LRP12: variants seen among roughly 807,000 people sequenced by gnomAD.
The protein encoded by LRP12 is low-density lipoprotein receptor-related protein 12.
In LRP12, 14 loss-of-function variants were observed where a neutral mutation model predicts 66.0. The observed-to-expected ratio is 0.21, with a 90% CI of 0.14 to 0.33. The LOEUF (loss-of-function observed/expected upper bound fraction) is 0.33, where lower values mean the gene tolerates loss of function less well. LRP12 is among the 10% of genes least tolerant of loss of function. The pLI is 1.00. For missense variants in LRP12, 889 were observed against 1,053.4 expected (o/e 0.84, Z 2.16); for synonymous variants, 357 against 359.1 (o/e 0.99, Z 0.07).
rs1249653080 is a variant in LRP12, at chr8:104,490,619, T to C, written c.*54A>G. Reference sequence around the variant, plus strand: ...CTAGTTTAACTGTAAAGTTACAAAATAATAAATGGATATTGCTCCAACTTG... The same window carrying C: ...CTAGTTTAACTGTAAAGTTACAAAACAATAAATGGATATTGCTCCAACTTG... On this transcript the variant is annotated 3_prime_UTR_variant, in exon 7 of 7. Coordinates refer to ENST00000276654, the MANE Select transcript of LRP12 (RefSeq NM_013437.5). 3.5e-5 allele frequency: 53 copies of C among 1,517,226 alleles called. No homozygotes were observed. The highest frequency in any genetic ancestry group is 1.3e-5 in the South Asian group (1 of 74,344). 94.0% of individuals were successfully genotyped at this position (1,517,226 alleles called of 1,614,324 possible).
chr8:104,526,518 A>G (rs1229447181), intron 2 of LRP12, among the ~76,000 whole-genome samples: 22 of 149,784 alleles, frequency 1.5e-4, no homozygotes, highest in Admixed American at 3.3e-4. Flanking sequence ...AGCCCTCAGA[A>G]ATAATGCTGC....
intron 1 of LRP12, among the ~76,000 whole-genome samples, chr8:104,573,452 C>T (rs1812113557): frequency 6.6e-6 from 1 of 152,134 alleles, no homozygotes; most frequent in Non-Finnish European, 1.5e-5. Context: ...TCTATCTCCA[C>T]TGAGGTCTCT....
At chr8:104,543,919 C>G (rs1354219206) in intron 1 of LRP12, among the ~76,000 whole-genome samples, 1 of 152,136 alleles carries the variant, frequency 6.6e-6, no homozygotes, top group Non-Finnish European at 1.5e-5. Flanking sequence ...GACACTCCAT[C>G]TCAAAACAAA....
chr8:104,542,819 T>C (rs1398296349), intron 1 of LRP12, among the ~76,000 whole-genome samples: 1 of 152,020 alleles, frequency 6.6e-6, no homozygotes, highest in African/African-American at 2.4e-5. Flanking sequence ...ATAGAAAATG[T>C]ATTTACTGTT....
chr8:104,520,052 G>T (rs1289262167), intron 2 of LRP12, among the ~76,000 whole-genome samples: 2 of 150,486 alleles, frequency 1.3e-5, no homozygotes, highest in Admixed American at 1.3e-4. Flanking sequence ...AAGAGAGAAG[G>T]AGAAATAAAA....
intron 1 of LRP12, among the ~76,000 whole-genome samples, chr8:104,536,349 T>G (rs1475718462): frequency 6.6e-6 from 1 of 152,054 alleles, no homozygotes; most frequent in Non-Finnish European, 1.5e-5. Context: ...ATAGACTCCT[T>G]TAGCATCTGA....
chr8:104,492,463 G>C (rs1318289110), intron 6 of LRP12, among the ~76,000 whole-genome samples: 2 of 152,060 alleles, frequency 1.3e-5, no homozygotes, highest in Non-Finnish European at 2.9e-5. Context: ...CACCAACCTG[G>C]CATTTAGTAT....
rs979850212 is a variant in LRP12, at chr8:104,497,605, T to C, written c.947A>G (p.Lys316Arg). ...LDGTGYGDYV[K>R]IYDGLEENPH... Reference sequence around the variant, plus strand: ...ATTCTCCTCTAATCCATCATATATTTTGACATAATCACCATAACCAGTACC... The same window carrying C: ...ATTCTCCTCTAATCCATCATATATTCTGACATAATCACCATAACCAGTACC... Residue 316 changes from lysine to arginine, a missense_variant, in exon 5 of 7, where the codon AAA (lysine) becomes AGA (arginine). Lys to Arg is a conservative substitution (Grantham distance 26, BLOSUM62 2). Transcript: ENST00000276654. This position sits in a 1 kb window ranked among gnomAD's most constrained non-coding sequence, Gnocchi z 4.3. 6.2e-7 allele frequency: 1 copy of C among 1,613,774 alleles called. No individual in the cohort carries two copies. The highest frequency in any genetic ancestry group is 1.3e-5 in the African/African-American group (1 of 74,912).
At position 104,498,014 on chromosome 8, in the gene LRP12, G is replaced by A. The variant is rs780256562; in HGVS notation, c.538C>T (p.Pro180Ser). ...QFRCGNGKCI[P>S]EAWKCNNMDE... ...ATGTTATTACATTTCCAGGCTTCTG[G>A]TATACACTTTCCATTACCACAACGA... Residue 180 changes from proline to serine, a missense_variant, in exon 5 of 7, where the codon CCA (proline) becomes TCA (serine). Physicochemically the swap from Pro to Ser is moderately conservative, Grantham distance 74. Around this residue, in one of 3 missense-constraint regions of LRP12, gnomAD observed 800 missense variants for 964.5 expected, o/e 0.83. Transcript: ENST00000276654. The A allele has an allele frequency of 6.2e-7, 1 of 1,613,762 alleles. No individual in the cohort carries two copies.
intron 1 of LRP12, among the ~76,000 whole-genome samples, chr8:104,551,117 A>C (rs1208681402): frequency 2.6e-5 from 4 of 152,136 alleles, no homozygotes; most frequent in African/African-American, 9.7e-5. Flanking sequence ...ATTCAGCACT[A>C]CTAAAATACA....
At position 104,495,066 on chromosome 8, in the gene LRP12, T is replaced by C. The variant is rs1810703491; in HGVS notation, c.1713+11A>G. On this transcript the variant is annotated intron_variant, in intron 6 of 6. Coordinates refer to ENST00000276654, the MANE Select transcript of LRP12 (RefSeq NM_013437.5). The stretch of plus-strand genomic sequence containing the variant: ...GAGGAAATGTAATAGAAATTACACA[T>C]TGCAATATACCTGATTAGGTGAACA... 1.9e-6 allele frequency: 3 copies of C among 1,611,046 alleles called. No homozygotes were observed. Among genetic ancestry groups the C allele is most frequent in the Non-Finnish European group, 2.5e-6 (3 of 1,178,392 alleles).
intron 4 of LRP12, 149 bp from the exon 5 acceptor site, chr8:104,498,225 T>A (rs1810769191): frequency 1.3e-6 from 1 of 761,256 alleles, no homozygotes; most frequent in Non-Finnish European, 2.0e-6. Flanking sequence ...TTTTTTAATA[T>A]TTTAATTTTA....
chr8:104,588,612 C>T (rs559725426), intron 1 of LRP12, among the ~76,000 whole-genome samples: 1 of 152,272 alleles, frequency 6.6e-6, no homozygotes, highest in South Asian at 2.1e-4. Context: ...TCTCCACCAC[C>T]CGAGGGTCTG....
intron 1 of LRP12, among the ~76,000 whole-genome samples, chr8:104,573,761 G>GT (rs1167256709): frequency 6.6e-6 from 1 of 151,532 alleles, no homozygotes; most frequent in Non-Finnish European, 1.5e-5. Context: ...AAAAAAGATC[G>GT]TAAGTGCATC....
intron 1 of LRP12, among the ~76,000 whole-genome samples, chr8:104,558,526 C>T (rs970442738): frequency 6.6e-6 from 1 of 152,012 alleles, no homozygotes; most frequent in African/African-American, 2.4e-5. Flanking sequence ...TTTGAAAAAC[C>T]CTTCCAGACA....
chr8:104,559,050 G>T (rs1297478898), intron 1 of LRP12, among the ~76,000 whole-genome samples: 1 of 152,138 alleles, frequency 6.6e-6, no homozygotes, highest in Non-Finnish European at 1.5e-5. Flanking sequence ...ACTGTGTGGA[G>T]ATTACTTAAA....
intron 1 of LRP12, among the ~76,000 whole-genome samples, chr8:104,543,242 G>C (rs1022451155): frequency 4.6e-5 from 7 of 152,026 alleles, no homozygotes; most frequent in Non-Finnish European, 8.8e-5. Flanking sequence ...TCCCTACATA[G>C]AGCAAGTCTA....
chr8:104,523,310 T>G (rs1811178321), intron 2 of LRP12, among the ~76,000 whole-genome samples: 3 of 152,116 alleles, frequency 2.0e-5, no homozygotes, highest in African/African-American at 7.2e-5. Context: ...AGTCTATCAT[T>G]TACTACCATA....
chr8:104,576,057 C>G (rs1156851180), intron 1 of LRP12, among the ~76,000 whole-genome samples: 1 of 151,984 alleles, frequency 6.6e-6, no homozygotes, highest in Non-Finnish European at 1.5e-5. Context: ...ACAAGATAGT[C>G]AGACAAGAAC....
Sources: gnomAD v4.1 joint callset for allele counts (sites outside exome capture counted in the v4.1 genomes callset) on GRCh38, gnomAD v4.1.1 for gene constraint, gnomAD v4.1.1 regional missense constraint, Gnocchi (gnomAD v3.1) non-coding constraint, MANE v1.5 for transcripts, NCBI Gene and HGNC (gene_info 2026-07-23, HGNC 2026-07-21) for gene names.